Variants in KIF6 observed in about 807,000 individuals in gnomAD.
KIF6 encodes kinesin family member 6, also known as kinesin-like protein KIF6.
A neutral mutation model predicts 112.7 loss-of-function variants in KIF6; 106 were observed. That is an observed-to-expected ratio of 0.94 (90% CI 0.80 to 1.11). KIF6 has a LOEUF of 1.11. Ranked by LOEUF, KIF6 falls within the 50% of genes least tolerant of loss-of-function variation. The pLI is 0.00. For missense variants in KIF6, 929 were observed against 964.0 expected (o/e 0.96, Z 0.48); for synonymous variants, 339 against 339.9 (o/e 1.00, Z 0.03).
Position 39,644,165 on chromosome 6 carries a change from A to C in KIF6, c.252-4408T>G, listed in dbSNP as rs867973194. On this transcript the variant is annotated intron_variant, in intron 3 of 22. Transcript: ENST00000287152. ...ACCCACTAGTATGGCTAAAACAAAA[A>C]AAAAAAGAGACAATGAGAAGTGCTG... is the stretch of plus-strand genomic sequence containing the variant. Among the ~76,000 whole-genome samples, 813 of 152,236 alleles carry C rather than the reference A, an allele frequency of 5.3e-3. 7 individuals are homozygous for C. The highest frequency in any genetic ancestry group is 0.048 in the Middle Eastern group (14 of 294).
At chr6:39,672,487 T>C (rs1014330479) in intron 3 of KIF6, among the ~76,000 whole-genome samples, 1 of 152,262 alleles carries the variant, frequency 6.6e-6, no homozygotes, top group Non-Finnish European at 1.5e-5. Flanking sequence ...ACAACAACCC[T>C]ATGAACTTTT....
chr6:39,540,367 T>C (rs1280812357), intron 12 of KIF6, 146 bp from the exon 13 acceptor site: 6 of 604,600 alleles, frequency 9.9e-6, no homozygotes, highest in East Asian at 2.8e-5. Context: ...TGAAGCCCCA[T>C]ATATAGCAAT....
intron 1 of KIF6, among the ~76,000 whole-genome samples, chr6:39,722,708 T>C (rs551035941): frequency 6.6e-6 from 1 of 152,328 alleles, no homozygotes; most frequent in South Asian, 2.1e-4. Context: ...AACTCTACAA[T>C]CTTTTGCGGA....
Position 39,714,697 on chromosome 6 carries a change from A to G in KIF6, c.246T>C (p.Ala82=). ...CAAAATATGGGAAATCCTACCTCCC[A>G]GCAACTGGTTTGGCAATGTTTTCAA... is the stretch of plus-strand genomic sequence containing the variant. ...TVFENIAKPV[A]GSVLAGYNGT... Residue 82 remains alanine (A), a synonymous_variant, in exon 3 of 23, where the codon GCT becomes GCC. Transcript: ENST00000287152. 1 of 1,613,290 alleles carries G rather than the reference A, an allele frequency of 6.2e-7. No individual in the cohort carries two copies. Among genetic ancestry groups the G allele is most frequent in the Non-Finnish European group, 8.5e-7 (1 of 1,179,344 alleles).
chr6:39,605,693 A>G (rs922872095), intron 6 of KIF6, among the ~76,000 whole-genome samples: 4 of 152,122 alleles, frequency 2.6e-5, no homozygotes, highest in Admixed American at 1.3e-4. Context: ...TTTTAGGACA[A>G]TGTCACTCAG....
chr6:39,533,269 G>A (rs9369123), intron 13 of KIF6, among the ~76,000 whole-genome samples: 6,400 of 152,298 alleles, frequency 0.042, 272 homozygotes, highest in East Asian at 0.25. Context: ...AAAGAAAGGG[G>A]TGACAGATGG....
In KIF6 at chr6:39,613,194, C is replaced by T; in HGVS notation, c.634G>A (p.Ala212Thr). ...LFLGDTNRMI[A>T]ETPMNQASTR... ...TGCAGAGAGAAGTTTATTACCTCTGCAATCATTCGGTTGGTGTCTCCTAAA... is the reference window on the plus strand; with the variant it reads ...TGCAGAGAGAAGTTTATTACCTCTGTAATCATTCGGTTGGTGTCTCCTAAA... The change falls in exon 6 of 23, where the codon GCA (alanine) becomes ACA (threonine). Residue 212 changes from alanine (A) to threonine (T), a missense_variant. Physicochemically the swap from Ala to Thr is moderately conservative, Grantham distance 58. Around this residue, in one of 2 missense-constraint regions of KIF6, gnomAD observed 688 missense variants for 662.7 expected, o/e 1.04. Transcript: ENST00000287152. 1.3e-6 allele frequency: 2 copies of T among 1,591,432 alleles called. No homozygotes were observed. Among genetic ancestry groups the T allele is most frequent in the Non-Finnish European group, 1.7e-6 (2 of 1,170,658 alleles).
chr6:39,550,344 TGGAAATGCTGGC>T, intron 10 of KIF6, among the ~76,000 whole-genome samples: 1 of 152,074 alleles, frequency 6.6e-6, no homozygotes, highest in South Asian at 2.1e-4. Context: ...ACCCAGGGCA[TGGAAATGCTGGC>T]TGTTTCCAAA....
chr6:39,496,615 GT>G lies in KIF6; in HGVS notation c.1645+43387del, dbSNP rs578080334. On this transcript the variant is annotated intron_variant, in intron 13 of 22. Coordinates refer to ENST00000287152, the MANE Select transcript of KIF6 (RefSeq NM_145027.6). Reference sequence around the variant, plus strand: ...AGCCTGAGATGGTCGTAGGGTAAGGGTCATCTATTTTTATGAGAAAATCTTG... The same window carrying G: ...AGCCTGAGATGGTCGTAGGGTAAGGGCATCTATTTTTATGAGAAAATCTTG... Among the ~76,000 whole-genome samples the G allele has an allele frequency of 3.7e-4, 56 of 152,202 alleles. 1 individual carries two copies. Among genetic ancestry groups the G allele is most frequent in the Middle Eastern group, 3.4e-3 (1 of 292 alleles).
At chr6:39,433,629 C>A (rs1771316029) in intron 13 of KIF6, among the ~76,000 whole-genome samples, 1 of 152,216 alleles carries the variant, frequency 6.6e-6, no homozygotes, top group Admixed American at 6.5e-5. Context: ...TGAAGGCCAT[C>A]AGAATGATGG....
At chr6:39,511,258 A>C (rs1776764607) in intron 13 of KIF6, among the ~76,000 whole-genome samples, 1 of 152,220 alleles carries the variant, frequency 6.6e-6, no homozygotes. Flanking sequence ...AGAAAAAAAC[A>C]ACCTCGTCAA....
chr6:39,592,833 G>A (rs559740364), intron 7 of KIF6, among the ~76,000 whole-genome samples: 1 of 152,338 alleles, frequency 6.6e-6, no homozygotes, highest in East Asian at 1.9e-4. Flanking sequence ...AACTCAGAGA[G>A]GTTGCACCCT....
At chr6:39,575,486 G>T (rs1236563562) in intron 10 of KIF6, among the ~76,000 whole-genome samples, 1 of 152,084 alleles carries the variant, frequency 6.6e-6, no homozygotes, top group Non-Finnish European at 1.5e-5. Context: ...TGGCCAGGAT[G>T]GTCTCGATCT....
chr6:39,446,878 AG>A (rs1349717604), intron 13 of KIF6, among the ~76,000 whole-genome samples: 4 of 152,252 alleles, frequency 2.6e-5, no homozygotes, highest in African/African-American at 9.6e-5. Flanking sequence ...ATAAAAATAA[AG>A]AAAACAATAT....
At chr6:39,571,717 A>AT (rs1181690655) in intron 10 of KIF6, among the ~76,000 whole-genome samples, 2 of 152,308 alleles carry the variant, frequency 1.3e-5, no homozygotes, top group South Asian at 2.1e-4. Context: ...ATAACCCACC[A>AT]TGAGGTCACC....
chr6:39,338,595 C>CT (rs1763153139), intron 22 of KIF6, among the ~76,000 whole-genome samples: 1 of 152,196 alleles, frequency 6.6e-6, no homozygotes, highest in South Asian at 2.1e-4. Context: ...CCCAGCTCTG[C>CT]TACACAACGG....
chr6:39,455,215 G>GACCCCTC (rs1445299322), intron 13 of KIF6, among the ~76,000 whole-genome samples: 1 of 151,922 alleles, frequency 6.6e-6, no homozygotes, highest in East Asian at 1.9e-4. Flanking sequence ...CCTGACCCCT[G>GACCCCTC]ACCCCCGAGC....
intron 13 of KIF6, among the ~76,000 whole-genome samples, chr6:39,444,326 C>T (rs1772169191): frequency 6.6e-6 from 1 of 152,030 alleles, no homozygotes; most frequent in South Asian, 2.1e-4. Context: ...AATAAAATTG[C>T]ATATATTTAA....
rs191934500 is a variant in KIF6 at position 39,363,102 on chromosome 6, T to C, written c.1862-584A>G. On this transcript the variant is annotated intron_variant, in intron 16 of 22. Coordinates refer to ENST00000287152, the MANE Select transcript of KIF6 (RefSeq NM_145027.6). ...AGGCGGAGGTTGCAGTGAGCCGAGA[T>C]CATGCCATTGCACTCCAGCTTGGGC... Among the ~76,000 whole-genome samples the C allele has an allele frequency of 1.6e-3, 250 of 152,254 alleles. 1 individual carries two copies. Among genetic ancestry groups the C allele is most frequent in the African/African-American group, 5.5e-3 (228 of 41,538 alleles).
Sources: gnomAD v4.1 joint callset for allele counts (sites outside exome capture counted in the v4.1 genomes callset) on GRCh38, gnomAD v4.1.1 for gene constraint, gnomAD v4.1.1 regional missense constraint, MANE v1.5 for transcripts, NCBI Gene and HGNC (gene_info 2026-07-23, HGNC 2026-07-21) for gene names.